MPDZ: variants seen among roughly 807,000 people sequenced by gnomAD.
MPDZ encodes multiple PDZ domain protein.
In MPDZ, 234 loss-of-function variants were observed where a neutral mutation model predicts 239.1. The observed-to-expected ratio is 0.98, with a 90% confidence interval of 0.88 to 1.09. The LOEUF (loss-of-function observed/expected upper bound fraction) is 1.09, where lower values mean the gene tolerates loss of function less well. Among genes scored for constraint, MPDZ ranks in the 50% least tolerant of loss-of-function variants. MPDZ has a pLI of 0.00. For missense variants in MPDZ, 3,175 were observed against 2,510.0 expected, an observed-to-expected ratio of 1.26 and a Z score of -5.66; for synonymous variants, 1,048 against 881.3, an observed-to-expected ratio of 1.19 and a Z score of -3.35.
At chr9:13,172,900 T>C (rs569511419) in intron 21 of MPDZ, among the ~76,000 whole-genome samples, 1 of 152,326 alleles carries the variant, frequency 6.6e-6, no homozygotes, top group Non-Finnish European at 1.5e-5. Flanking sequence ...TGTCCATCAG[T>C]AGATGAATAA....
chr9:13,139,863 C>A (rs776505223), intron 28 of MPDZ, 124 bp downstream of exon 28: 1 of 1,104,538 alleles, frequency 9.1e-7, no homozygotes, highest in Non-Finnish European at 1.4e-6. Context: ...TTTCTTTCCA[C>A]ACAGAATTGC....
At chr9:13,132,675 G>C (rs1946177837) in intron 32 of MPDZ, among the ~76,000 whole-genome samples, 1 of 152,122 alleles carries the variant, frequency 6.6e-6, no homozygotes, top group African/African-American at 2.4e-5. Context: ...CTGAACATAT[G>C]TATATTTAAT....
At position 13,176,105 on chromosome 9, in the gene MPDZ, T is replaced by C. The variant is rs1462719578; in HGVS notation, c.2931+31A>G. 3 of 1,531,548 alleles carry C rather than the reference T, an allele frequency of 2.0e-6. No individual in the cohort carries two copies. The African/African-American group carries it at 4.1e-5, about 21-fold the overall frequency. The allele number at this position is 1,531,548 out of a possible 1,614,324, so 94.9% of individuals were successfully genotyped here. On this transcript the variant is annotated intron_variant, in intron 20 of 46. Transcript: ENST00000319217. ...TACTTCACTATTCCCTATCTCATCATAAAACACAAACCATATCTTTAAAAT... is the reference window on the plus strand; with the variant it reads ...TACTTCACTATTCCCTATCTCATCACAAAACACAAACCATATCTTTAAAAT...
At chr9:13,215,957 T>G (rs1958281842) in intron 10 of MPDZ, among the ~76,000 whole-genome samples, 1 of 146,876 alleles carries the variant, frequency 6.8e-6, no homozygotes, top group Non-Finnish European at 1.5e-5. Context: ...TTTTTTTTTT[T>G]TTTTTTTTTT....
intron 10 of MPDZ, among the ~76,000 whole-genome samples, chr9:13,211,555 A>C (rs1015779090): frequency 1.3e-5 from 2 of 152,166 alleles, no homozygotes; most frequent in African/African-American, 4.8e-5. Context: ...GAGCAACAAA[A>C]TAAGTAAAAT....
rs549707589 is a variant in MPDZ, at chr9:13,248,141, T to A, written c.17-340A>T. 1.3e-4 allele frequency among the ~76,000 whole-genome samples: 20 copies of A among 149,342 alleles called. No homozygotes were observed. In the South Asian group the frequency reaches 1.5e-3, roughly 11 times the overall value. On this transcript the variant is annotated intron_variant, in intron 2 of 46. Coordinates refer to ENST00000319217, the MANE Select transcript of MPDZ (RefSeq NM_001378778.1). Reference sequence around the variant, plus strand: ...TACTCAGGAGGCTGAGGCAGGAGAATCACTTGAATCCAGGAGGCAGAGGTT... The same window carrying A: ...TACTCAGGAGGCTGAGGCAGGAGAAACACTTGAATCCAGGAGGCAGAGGTT...
intron 3 of MPDZ, among the ~76,000 whole-genome samples, chr9:13,225,685 G>A (rs1229311853): frequency 6.6e-6 from 1 of 151,964 alleles, no homozygotes; most frequent in Non-Finnish European, 1.5e-5. Flanking sequence ...TGTACAGGTT[G>A]GTAGACTAGG....
intron 7 of MPDZ, 80 bp downstream of exon 7, chr9:13,221,292 T>C (rs1959066312): frequency 7.0e-7 from 1 of 1,419,068 alleles, no homozygotes; most frequent in Admixed American, 2.5e-5. Flanking sequence ...CCAAAGTTTC[T>C]TCTTTCCAAC....
chr9:13,168,271 T>C lies in MPDZ; in HGVS notation c.3254+95A>G. ...TATGTTAAAAAAAATGTGATAACGT[T>C]TGCATCTCAAACAGAAGTGAATACT... On this transcript the variant is annotated intron_variant, in intron 22 of 46. Coordinates refer to ENST00000319217, the MANE Select transcript of MPDZ (RefSeq NM_001378778.1). 3 of 1,111,428 alleles carry C rather than the reference T, an allele frequency of 2.7e-6. No homozygotes were observed. The South Asian group carries it at 4.3e-5, about 16-fold the overall frequency. The allele number at this position is 1,111,428 out of a possible 1,614,324, so 68.8% of individuals were successfully genotyped here.
intron 1 of MPDZ, among the ~76,000 whole-genome samples, chr9:13,251,488 T>C (rs1192460975): frequency 6.6e-6 from 1 of 152,196 alleles, no homozygotes; most frequent in African/African-American, 2.4e-5. Context: ...GCTATCCCCA[T>C]AGTTCCATCT....
At chr9:13,248,638 T>G (rs1037168528) in intron 2 of MPDZ, among the ~76,000 whole-genome samples, 5 of 151,932 alleles carry the variant, frequency 3.3e-5, no homozygotes, top group Admixed American at 6.6e-5. Context: ...CAAGTATATC[T>G]ATTTAAACGT....
chr9:13,185,651 C>T (rs1953992429), intron 18 of MPDZ, among the ~76,000 whole-genome samples: 1 of 152,014 alleles, frequency 6.6e-6, no homozygotes, highest in Admixed American at 6.6e-5. Flanking sequence ...TAGCATTGTA[C>T]CCTCTACAAG....
At chr9:13,169,502 ATTTACC>A (rs988131849) in intron 21 of MPDZ, among the ~76,000 whole-genome samples, 2 of 151,976 alleles carry the variant, frequency 1.3e-5, no homozygotes, top group African/African-American at 4.8e-5. Flanking sequence ...TCTTGAATCC[ATTTACC>A]TTTTTCCATT....
Position 13,188,940 on chromosome 9 carries a change from G to A in MPDZ, c.2208C>T (p.Gly736=), listed in dbSNP as rs372818830. Residue 736 remains glycine, a synonymous_variant, in exon 17 of 47, where the codon GGC becomes GGT. Coordinates refer to ENST00000319217, the MANE Select transcript of MPDZ (RefSeq NM_001378778.1). ...TVIIIRSLVP[G]GIAEKDGRLL... is the part of the protein sequence containing the mutation. The stretch of plus-strand genomic sequence containing the variant: ...GTCGTCCATCCTTTTCAGCAATGCC[G>A]CCAGGCACCAAAGAACGAATTATAA... 5.3e-5 allele frequency: 86 copies of A among 1,613,262 alleles called. No individual in the cohort carries two copies. The highest frequency in any genetic ancestry group is 1.3e-4 in the East Asian group (6 of 44,804).
intron 1 of MPDZ, among the ~76,000 whole-genome samples, chr9:13,267,240 G>A (rs1173231865): frequency 6.6e-6 from 1 of 152,132 alleles, no homozygotes; most frequent in Non-Finnish European, 1.5e-5. Context: ...CAATGAAATT[G>A]GCGTCAGTTT....
At position 13,175,869 on chromosome 9, in the gene MPDZ, C is replaced by G. The variant is rs867935680; in HGVS notation, c.2938G>C (p.Glu980Gln). ...VLPDSAGKGSEYLLEQSSLAC... is the reference protein window; with the variant it reads ...VLPDSAGKGSQYLLEQSSLAC... ...AGGGAGCTCTGTTCAAGCAGGTACT[C>G]AGAGCCCTTTAAGAAAGAAAAAGAA... The change falls in exon 21 of 47, where the codon GAG becomes CAG. Residue 980 changes from glutamate to glutamine, a missense_variant. Transcript: ENST00000319217. 3 of 1,590,986 alleles carry G rather than the reference C, an allele frequency of 1.9e-6. No homozygotes were observed. Among genetic ancestry groups the G allele is most frequent in the Non-Finnish European group, 2.6e-6 (3 of 1,169,332 alleles).
intron 10 of MPDZ, 73 bp downstream of exon 10, chr9:13,216,701 A>T: frequency 8.5e-7 from 1 of 1,176,352 alleles, no homozygotes; most frequent in African/African-American, 1.5e-5. Context: ...TAGCTCTCAA[A>T]ACTAAGTAAA....
At position 13,240,237 on chromosome 9, in the gene MPDZ, A is replaced by G. The variant is rs147579102; in HGVS notation, c.183+7398T>C. The stretch of plus-strand genomic sequence containing the variant: ...ATAAAATAAAGCCTTACAGAGAAGT[A>G]TAATTATATAGGAATGGACACATGA... On this transcript the variant is annotated intron_variant, in intron 3 of 46. Coordinates refer to ENST00000319217, the MANE Select transcript of MPDZ (RefSeq NM_001378778.1). Among the ~76,000 whole-genome samples, 732 of 152,170 alleles carry G rather than the reference A, an allele frequency of 4.8e-3. 4 individuals carry two copies. The highest frequency in any genetic ancestry group is 0.016 in the African/African-American group (648 of 41,566).
chr9:13,147,433 C>A, intron 26 of MPDZ, 115 bp downstream of exon 26: 1 of 742,710 alleles, frequency 1.3e-6, no homozygotes, highest in South Asian at 1.7e-5. Flanking sequence ...AACAAGTCTC[C>A]TGAGATTTGA....
Sources: gnomAD v4.1 joint callset for allele counts (sites outside exome capture counted in the v4.1 genomes callset) on GRCh38, gnomAD v4.1.1 for gene constraint, MANE v1.5 for transcripts, NCBI Gene and HGNC (gene_info 2026-07-23, HGNC 2026-07-21) for gene names.